STK3: variants seen among roughly 807,000 people sequenced by gnomAD.
The protein encoded by STK3 is serine/threonine kinase 3.
Under a neutral mutation model 58.0 loss-of-function variants are expected in STK3, and 41 were observed. That is an observed-to-expected ratio of 0.71 (90% CI 0.55 to 0.92). The LOEUF is 0.92. Among genes scored for constraint, STK3 ranks in the 40% least tolerant of loss-of-function variants. STK3 has a pLI of 0.00. For missense variants in STK3, 479 were observed against 602.7 expected (o/e 0.79, Z 2.15); for synonymous variants, 170 against 191.0 (o/e 0.89, Z 0.91).
At chr8:98,738,909 C>T (rs1047141442) in intron 4 of STK3, among the ~76,000 whole-genome samples, 18 of 152,208 alleles carry the variant, frequency 1.2e-4, no homozygotes, top group African/African-American at 1.9e-4. Flanking sequence ...TTTTCCGACG[C>T]GCTTAAAAAA....
chr8:98,911,475 C>A (rs1399821494), intron 1 of STK3, among the ~76,000 whole-genome samples: 1 of 152,102 alleles, frequency 6.6e-6, no homozygotes, highest in Non-Finnish European at 1.5e-5. Flanking sequence ...CTCACTGCAA[C>A]CTCTGACCCC....
At chr8:98,693,104 A>G (rs1278282146) in intron 6 of STK3, among the ~76,000 whole-genome samples, 1 of 152,186 alleles carries the variant, frequency 6.6e-6, no homozygotes, top group Non-Finnish European at 1.5e-5. Flanking sequence ...TAGACAAAAA[A>G]GAAGACACAG....
intron 2 of STK3, among the ~76,000 whole-genome samples, chr8:98,434,796 A>G (rs1170171159): frequency 2.0e-5 from 3 of 152,176 alleles, no homozygotes; most frequent in Non-Finnish European, 2.9e-5. Context: ...GAAACCAGAA[A>G]TCGGAGGGAA....
chr8:98,700,259 G>A (rs1238487784), intron 6 of STK3, among the ~76,000 whole-genome samples: 1 of 152,174 alleles, frequency 6.6e-6, no homozygotes, highest in Non-Finnish European at 1.5e-5. Context: ...TTTTCCAGGT[G>A]CCGTCTGTCA....
At chr8:98,597,391 AT>A (rs1815922215) in intron 6 of STK3, 1 of 984,642 alleles carries the variant, frequency 1.0e-6, no homozygotes, top group Admixed American at 6.2e-5. Context: ...ATAGATTAGA[AT>A]ATTTTATATA....
At chr8:98,669,768 T>C (rs753992955) in intron 6 of STK3, among the ~76,000 whole-genome samples, 5 of 152,234 alleles carry the variant, frequency 3.3e-5, no homozygotes, top group Non-Finnish European at 5.9e-5. Context: ...CAAACAAATC[T>C]GTTTCTCCTT....
intron 3 of STK3, among the ~76,000 whole-genome samples, chr8:98,757,452 G>A (rs1055301469): frequency 6.7e-5 from 10 of 149,736 alleles, no homozygotes; most frequent in African/African-American, 2.2e-4. Flanking sequence ...AAAATTAGCC[G>A]GGCCTGGTGG....
chr8:98,891,821 CG>C (rs1838211645), intron 1 of STK3, among the ~76,000 whole-genome samples: 1 of 152,068 alleles, frequency 6.6e-6, no homozygotes, highest in East Asian at 1.9e-4. Flanking sequence ...ATGTGAGGGC[CG>C]GGGGTTGGAC....
intron 9 of STK3, among the ~76,000 whole-genome samples, chr8:98,536,532 T>C (rs1809779167): frequency 6.6e-6 from 1 of 152,154 alleles, no homozygotes; most frequent in Non-Finnish European, 1.5e-5. Context: ...TTTCTGTTTT[T>C]TGCTCTTTTC....
chr8:98,361,193 C>T, the STK3 span, among the ~76,000 whole-genome samples: 6 of 152,186 alleles, frequency 3.9e-5, no homozygotes, highest in East Asian at 7.7e-4. Flanking sequence ...AAGTGGCCAG[C>T]GCCCTTGGAG....
intron 4 of STK3, among the ~76,000 whole-genome samples, chr8:98,716,490 A>C (rs372870377): frequency 1.2e-3 from 182 of 152,248 alleles, no homozygotes; most frequent in African/African-American, 4.1e-3. Flanking sequence ...AAATATCTGT[A>C]CAATGAAAAC....
At chr8:98,384,000 C>A (rs1817765144) in intron 1 of STK3, among the ~76,000 whole-genome samples, 1 of 152,222 alleles carries the variant, frequency 6.6e-6, no homozygotes. Flanking sequence ...AAGAAAGACA[C>A]ATTCACATGT....
intron 4 of STK3, among the ~76,000 whole-genome samples, chr8:98,730,953 C>T (rs558809636): frequency 4.0e-4 from 61 of 152,234 alleles, no homozygotes; most frequent in African/African-American, 1.4e-3. Context: ...CACTCTTGCA[C>T]AGGCCCCACT....
intron 3 of STK3, among the ~76,000 whole-genome samples, chr8:98,750,575 G>C (rs1587511107): frequency 6.6e-6 from 1 of 151,480 alleles, no homozygotes; most frequent in East Asian, 1.9e-4. Context: ...TAAAATTTTA[G>C]CTATGCTCTA....
In STK3 at chr8:98,800,596, G is replaced by A. The variant is rs760697453; in HGVS notation, c.26+24919C>T. On this transcript the variant is annotated intron_variant, in intron 1 of 10. Coordinates refer to ENST00000419617, the MANE Select transcript of STK3 (RefSeq NM_006281.4). The surrounding 1 kb of genome is among the most constrained non-coding windows in gnomAD (Gnocchi z 4.8). Reference sequence around the variant, plus strand: ...TGCGGGAAGGTGTGGAGGGAGAAGCGTGGGCAGGAACCAGGACTGCGCGCA... The same window carrying A: ...TGCGGGAAGGTGTGGAGGGAGAAGCATGGGCAGGAACCAGGACTGCGCGCA... Among the ~76,000 whole-genome samples, 7 of 152,182 alleles carry A rather than the reference G, an allele frequency of 4.6e-5. No individual in the cohort carries two copies. Among genetic ancestry groups the A allele is most frequent in the Non-Finnish European group, 7.3e-5 (5 of 68,028 alleles).
intron 1 of STK3, among the ~76,000 whole-genome samples, chr8:98,907,374 C>T (rs542637874): frequency 2.6e-5 from 4 of 150,956 alleles, no homozygotes; most frequent in Middle Eastern, 3.5e-3. Flanking sequence ...ATTAGCCAGG[C>T]GTGGTGGCAC....
At chr8:98,709,576 T>C (rs900410283) in intron 4 of STK3, among the ~76,000 whole-genome samples, 1 of 152,100 alleles carries the variant, frequency 6.6e-6, no homozygotes, top group Non-Finnish European at 1.5e-5. Context: ...TTCAACAGGA[T>C]TGTAACAGGT....
At chr8:98,776,651 A>C (rs1473884904) in intron 1 of STK3, among the ~76,000 whole-genome samples, 1 of 152,192 alleles carries the variant, frequency 6.6e-6, no homozygotes, top group Non-Finnish European at 1.5e-5. Flanking sequence ...ACAGTATCTA[A>C]AGACACAGTT....
chr8:98,471,957 G>A lies in STK3; in HGVS notation c.1318-15957C>T, dbSNP rs1001502857. Among the ~76,000 whole-genome samples the A allele has an allele frequency of 2.6e-5, 4 of 152,116 alleles. No homozygotes were observed. In the East Asian group the frequency reaches 7.7e-4, roughly 29 times the overall value. On this transcript the variant is annotated intron_variant, in intron 10 of 10. Transcript: ENST00000419617. ...TTCTTTGCAGGTACTTACTTTACAAGAAGTATTCTTATATAGAGAGATTCA... is the reference window on the plus strand; with the variant it reads ...TTCTTTGCAGGTACTTACTTTACAAAAAGTATTCTTATATAGAGAGATTCA...
Sources: gnomAD v4.1 joint callset for allele counts (sites outside exome capture counted in the v4.1 genomes callset) on GRCh38, gnomAD v4.1.1 for gene constraint, Gnocchi (gnomAD v3.1) non-coding constraint, MANE v1.5 for transcripts, NCBI Gene and HGNC (gene_info 2026-07-23, HGNC 2026-07-21) for gene names.